Variants in LDAH observed in about 807,000 individuals in gnomAD.
LDAH encodes lipid droplet-associated hydrolase.
Under a neutral mutation model 29.6 loss-of-function variants are expected in LDAH, and 26 were observed. That is an observed-to-expected ratio of 0.88 (90% CI 0.64 to 1.22). The LOEUF (loss-of-function observed/expected upper bound fraction) is 1.22, where lower values mean the gene tolerates loss of function less well. Among genes scored for constraint, LDAH ranks in the 50% most tolerant of loss-of-function variants. The pLI, the probability that LDAH is intolerant of heterozygous loss-of-function variation, is 0.00. For synonymous variants in LDAH, 117 were observed against 133.0 expected, an observed-to-expected ratio of 0.88 and a Z score of 0.83; for missense variants, 344 against 387.3, an observed-to-expected ratio of 0.89 and a Z score of 0.94.
At chr2:20,786,776 C>G (rs1572629868) in intron 3 of LDAH, among the ~76,000 whole-genome samples, 1 of 152,130 alleles carries the variant, frequency 6.6e-6, no homozygotes, top group African/African-American at 2.4e-5. Flanking sequence ...TTTTTGTCAT[C>G]TTTTTTTCTC....
intron 4 of LDAH, among the ~76,000 whole-genome samples, chr2:20,763,347 G>A (rs1668816082): frequency 6.6e-6 from 1 of 152,196 alleles, no homozygotes; most frequent in East Asian, 1.9e-4. Flanking sequence ...AATGCATTCT[G>A]TTCCAAGCTT....
chr2:20,759,557 T>C (rs575919032), intron 4 of LDAH, among the ~76,000 whole-genome samples: 15 of 152,184 alleles, frequency 9.9e-5, no homozygotes, highest in Non-Finnish European at 2.1e-4. Context: ...AACAACCTCA[T>C]ACATGCTGGT....
At chr2:20,777,070 G>A (rs1423304681) in intron 3 of LDAH, among the ~76,000 whole-genome samples, 8 of 152,186 alleles carry the variant, frequency 5.3e-5, no homozygotes, top group Admixed American at 5.2e-4. Flanking sequence ...GGCATAAGCA[G>A]ATAAATAAAA....
intron 4 of LDAH, among the ~76,000 whole-genome samples, chr2:20,755,648 A>T (rs990322094): frequency 1.3e-5 from 2 of 152,176 alleles, no homozygotes; most frequent in African/African-American, 2.4e-5. Flanking sequence ...ACTTCTCCAT[A>T]ACCCCATCAT....
intron 4 of LDAH, among the ~76,000 whole-genome samples, chr2:20,757,813 C>A (rs2124937665): frequency 6.6e-6 from 1 of 151,912 alleles, no homozygotes; most frequent in East Asian, 1.9e-4. Flanking sequence ...TGTCTTCAGA[C>A]TCAAAATGAA....
chr2:20,694,029 C>T (rs549859364), intron 6 of LDAH, among the ~76,000 whole-genome samples: 2 of 152,326 alleles, frequency 1.3e-5, no homozygotes, highest in Non-Finnish European at 2.9e-5. Context: ...AAATAATTTG[C>T]ACTAGAGCAG....
At chr2:20,807,339 A>G (rs553145165) in intron 1 of LDAH, among the ~76,000 whole-genome samples, 58 of 152,270 alleles carry the variant, frequency 3.8e-4, no homozygotes, top group Middle Eastern at 3.4e-3. Flanking sequence ...CAGAGAATAG[A>G]AAAAGAGGGA....
rs555392405 is a variant in LDAH at position 20,699,580 on chromosome 2, A to T, written c.786+1990T>A. ...AGCTTGAATTTTGCTGGTAGAAAGG[A>T]TAATGAATTAACTGCAAGGTAGTTT... On this transcript the variant is annotated intron_variant, in intron 6 of 6. Transcript: ENST00000237822. 3.9e-5 allele frequency among the ~76,000 whole-genome samples: 6 copies of T among 152,334 alleles called. No individual in the cohort carries two copies. The East Asian group carries it at 1.2e-3, about 29-fold the overall frequency.
chr2:20,703,051 C>G (rs943127673), intron 5 of LDAH, among the ~76,000 whole-genome samples: 2 of 152,206 alleles, frequency 1.3e-5, no homozygotes, highest in Non-Finnish European at 2.9e-5. Flanking sequence ...GTCTTGAACT[C>G]CTGACCTCAG....
intron 4 of LDAH, among the ~76,000 whole-genome samples, chr2:20,751,664 CA>C (rs1667982136): frequency 6.6e-6 from 1 of 152,114 alleles, no homozygotes; most frequent in African/African-American, 2.4e-5. Flanking sequence ...CCATTGATTT[CA>C]GGGGGAAAAA....
intron 2 of LDAH, among the ~76,000 whole-genome samples, chr2:20,791,159 T>C (rs1374872055): frequency 3.3e-5 from 5 of 152,348 alleles, no homozygotes; most frequent in African/African-American, 4.8e-5. Flanking sequence ...ATTTCACTGA[T>C]TTCTACTCCA....
intron 4 of LDAH, among the ~76,000 whole-genome samples, chr2:20,773,731 G>A (rs548594575): frequency 2.0e-5 from 3 of 152,230 alleles, no homozygotes; most frequent in South Asian, 2.1e-4. Flanking sequence ...GGGCAATTAC[G>A]AATAAGAAGC....
At chr2:20,819,559 G>A (rs533084) in intron 1 of LDAH, among the ~76,000 whole-genome samples, 10,219 of 152,114 alleles carry the variant, frequency 0.067, 1,143 homozygotes, top group African/African-American at 0.23. Context: ...CCTTTGACAA[G>A]ATTCAACAGC....
chr2:20,777,160 C>G (rs950870565), intron 3 of LDAH, among the ~76,000 whole-genome samples: 2 of 152,102 alleles, frequency 1.3e-5, no homozygotes, highest in African/African-American at 4.8e-5. Flanking sequence ...ATGGTTAGAG[C>G]AAAGAAAATG....
intron 5 of LDAH, among the ~76,000 whole-genome samples, chr2:20,716,727 TAC>T (rs200341171): frequency 0.046 from 6,619 of 144,866 alleles, 516 homozygotes; most frequent in East Asian, 0.13. Flanking sequence ...TAAGTATATA[TAC>T]ATATATATAT....
chr2:20,752,060 T>A (rs780460086), intron 4 of LDAH, among the ~76,000 whole-genome samples: 1 of 152,026 alleles, frequency 6.6e-6, no homozygotes. Flanking sequence ...CCAGGCTAAT[T>A]TTTGTATTTT....
intron 3 of LDAH, chr2:20,789,273 A>G: frequency 6.4e-7 from 1 of 1,550,510 alleles, no homozygotes; most frequent in Non-Finnish European, 8.7e-7. Flanking sequence ...TCATGAGGGT[A>G]GAGCCCGCGA....
chr2:20,783,807 G>A (rs1293183634), intron 3 of LDAH, among the ~76,000 whole-genome samples: 2 of 152,182 alleles, frequency 1.3e-5, no homozygotes, highest in African/African-American at 4.8e-5. Flanking sequence ...AACCTCCCGA[G>A]TTCAAGTGAT....
At chr2:20,767,590 T>C (rs1572584766) in intron 4 of LDAH, among the ~76,000 whole-genome samples, 1 of 152,174 alleles carries the variant, frequency 6.6e-6, no homozygotes, top group Non-Finnish European at 1.5e-5. Context: ...CCTTAGATGC[T>C]GGCAGGAGGC....
Sources: gnomAD v4.1 joint callset for allele counts (sites outside exome capture counted in the v4.1 genomes callset) on GRCh38, gnomAD v4.1.1 for gene constraint, MANE v1.5 for transcripts, NCBI Gene and HGNC (gene_info 2026-07-23, HGNC 2026-07-21) for gene names.